PECAM1: variants seen among roughly 807,000 people sequenced by gnomAD.
The protein encoded by PECAM1 is platelet endothelial cell adhesion molecule.
PECAM1 carries 8 observed loss-of-function variants against 13.8 expected under a neutral mutation model. That is an observed-to-expected ratio of 0.58 (90% CI 0.34 to 1.05). The LOEUF (loss-of-function observed/expected upper bound fraction) is 1.05, where lower values mean the gene tolerates loss of function less well. Among genes scored for constraint, PECAM1 ranks in the 50% least tolerant of loss-of-function variants. The pLI, the probability that PECAM1 is intolerant of heterozygous loss-of-function variation, is 0.03. For missense variants in PECAM1, 304 were observed against 141.2 expected (o/e 2.15, Z -5.84); for synonymous variants, 136 against 52.6 (o/e 2.58, Z -6.86).
intron 14 of PECAM1, among the ~76,000 whole-genome samples, chr17:64,330,707 C>A (rs1470216448): frequency 6.7e-6 from 1 of 149,102 alleles, no homozygotes; most frequent in African/African-American, 2.5e-5. Flanking sequence ...TAGGAAGTAG[C>A]AGATAAAAAT....
chr17:64,382,737 A>G (rs1392418964), intron 2 of PECAM1, among the ~76,000 whole-genome samples: 5 of 151,198 alleles, frequency 3.3e-5, no homozygotes, highest in Non-Finnish European at 7.4e-5. Flanking sequence ...TTTTTTTTCA[A>G]ATAAAAACCA....
chr17:64,368,437 C>A (rs893940174), intron 5 of PECAM1, among the ~76,000 whole-genome samples: 9 of 152,080 alleles, frequency 5.9e-5, no homozygotes, highest in Non-Finnish European at 1.0e-4. Context: ...TGTTCTACCC[C>A]CTTGGTAACC....
chr17:64,379,342 G>A (rs1475470442), intron 2 of PECAM1, among the ~76,000 whole-genome samples: 1 of 152,192 alleles, frequency 6.6e-6, no homozygotes, highest in Non-Finnish European at 1.5e-5. Context: ...GCAGGCTGAC[G>A]GAAGGGTGGA....
intron 5 of PECAM1, among the ~76,000 whole-genome samples, chr17:64,366,524 C>T (rs1281732677): frequency 2.5e-4 from 38 of 151,350 alleles, no homozygotes; most frequent in Admixed American, 2.4e-3. Flanking sequence ...CACATGCACA[C>T]GTATGTTTAT....
intron 2 of PECAM1, among the ~76,000 whole-genome samples, chr17:64,389,463 G>A (rs2143928417): frequency 6.6e-6 from 1 of 152,262 alleles, no homozygotes; most frequent in East Asian, 1.9e-4. Flanking sequence ...CTTTGTACAA[G>A]CACAAAATAT....
chr17:64,348,538 G>A (rs2035638032), intron 12 of PECAM1, among the ~76,000 whole-genome samples: 1 of 151,592 alleles, frequency 6.6e-6, no homozygotes, highest in African/African-American at 2.4e-5. Flanking sequence ...CTCCTGAGTA[G>A]CTGGGATTAC....
intron 2 of PECAM1, among the ~76,000 whole-genome samples, chr17:64,381,973 G>A (rs888116396): frequency 9.5e-4 from 144 of 152,206 alleles, no homozygotes; most frequent in Non-Finnish European, 8.2e-4. Flanking sequence ...GGTGGTGGGC[G>A]CCTGTAATCC....
At chr17:64,353,848 T>G (rs2035787289) in intron 9 of PECAM1, among the ~76,000 whole-genome samples, 1 of 152,112 alleles carries the variant, frequency 6.6e-6, no homozygotes, top group East Asian at 1.9e-4. Context: ...TAGCCAGAAG[T>G]GATTTTTGTT....
chr17:64,349,639 C>A (rs2035667523), intron 12 of PECAM1, among the ~76,000 whole-genome samples: 2 of 147,748 alleles, frequency 1.4e-5, no homozygotes, highest in African/African-American at 2.5e-5. Context: ...GTAATTCTAG[C>A]ATTTTGGGAG....
intron 14 of PECAM1, among the ~76,000 whole-genome samples, chr17:64,336,942 GGAAA>G (rs2035295284): frequency 6.7e-6 from 1 of 149,500 alleles, no homozygotes; most frequent in Admixed American, 6.7e-5. Flanking sequence ...AAAGAGAAAA[GGAAA>G]GAAAGGAAAA....
At chr17:64,387,797 A>T (rs1421642112) in intron 2 of PECAM1, among the ~76,000 whole-genome samples, 2 of 152,174 alleles carry the variant, frequency 1.3e-5, no homozygotes, top group African/African-American at 2.4e-5. Flanking sequence ...AGGCAGCTGC[A>T]GTGAGGTGCG....
chr17:64,325,310 C>G (rs888354678), intron 15 of PECAM1, among the ~76,000 whole-genome samples: 8 of 152,042 alleles, frequency 5.3e-5, no homozygotes, highest in Non-Finnish European at 1.0e-4. Flanking sequence ...ATGGCGTGAA[C>G]CCGGGAGGCG....
chr17:64,383,759 T>A (rs1199767464), intron 2 of PECAM1, among the ~76,000 whole-genome samples: 1 of 152,224 alleles, frequency 6.6e-6, no homozygotes, highest in Non-Finnish European at 1.5e-5. Context: ...GTTTTTCCAG[T>A]AGGGATGGTA....
At chr17:64,362,045 T>A (rs2035995046) in intron 6 of PECAM1, among the ~76,000 whole-genome samples, 1 of 152,162 alleles carries the variant, frequency 6.6e-6, no homozygotes, top group South Asian at 2.1e-4. Context: ...ACAGGTTAAA[T>A]GAAAGGATCG....
chr17:64,351,027 C>T (rs7225980), intron 11 of PECAM1, among the ~76,000 whole-genome samples: 62,716 of 151,818 alleles, frequency 0.41, 14,338 homozygotes, highest in South Asian at 0.58. Flanking sequence ...TAAACATGTA[C>T]CACCATGCCC....
chr17:64,368,288 A>G (rs1487886427), intron 5 of PECAM1, among the ~76,000 whole-genome samples: 4 of 152,204 alleles, frequency 2.6e-5, no homozygotes, highest in Admixed American at 2.6e-4. Context: ...CTGCATACAC[A>G]TAATAAACAA....
chr17:64,347,697 A>ATG (rs2035610761), intron 13 of PECAM1, among the ~76,000 whole-genome samples: 3 of 144,126 alleles, frequency 2.1e-5, no homozygotes, highest in Non-Finnish European at 3.0e-5. Flanking sequence ...ATATGTATTT[A>ATG]TATTTATATA....
intron 14 of PECAM1, among the ~76,000 whole-genome samples, chr17:64,340,405 C>T (rs1329240262): frequency 6.6e-6 from 1 of 152,120 alleles, no homozygotes; most frequent in South Asian, 2.1e-4. Context: ...AGTAGCCACC[C>T]TTTGCAGAAA....
At position 64,360,303 on chromosome 17, in the gene PECAM1, T is replaced by G. The variant is rs1049250999; in HGVS notation, c.1329A>C (p.Gln443His). Residue 443 changes from glutamine (Q) to histidine (H), a missense_variant, in exon 7 of 16, where the codon CAA (glutamine) becomes CAC (histidine). Physicochemically the swap from Gln to His is conservative, Grantham distance 24. Coordinates refer to ENST00000563924, the MANE Select transcript of PECAM1 (RefSeq NM_000442.5). The stretch of plus-strand genomic sequence containing the variant: ...CCAAAACTTTACTTGTTTTTAAAAG[T>G]TGGTAAGAAATAGGCAAAGTTCCAC... Reference protein sequence around the residue: ...SISGTLPISYQLLKTSKVLEN... With the variant: ...SISGTLPISYHLLKTSKVLEN... 1 of 475,376 alleles carries G rather than the reference T, an allele frequency of 2.1e-6. No homozygotes were observed. Among genetic ancestry groups the G allele is most frequent in the Non-Finnish European group, 3.9e-6 (1 of 259,060 alleles). The allele number at this position is 475,376 out of a possible 1,614,324, so 29.4% of individuals were successfully genotyped here.
Sources: allele counts gnomAD v4.1 joint callset (sites outside exome capture counted in the v4.1 genomes callset), GRCh38; gene constraint gnomAD v4.1.1; transcripts MANE v1.5; gene names NCBI Gene and HGNC (gene_info 2026-07-23, HGNC 2026-07-21).